The following FRYL variants were observed in gnomAD, a reference collection of about 807,000 sequenced individuals.
The protein encoded by FRYL is FRY like transcription coactivator.
Under a neutral mutation model 351.2 loss-of-function variants are expected in FRYL, and 150 were observed. The ratio of observed to expected loss-of-function variants is 0.43; its 90% CI spans 0.37 to 0.49. FRYL has a LOEUF of 0.49. Among genes scored for constraint, FRYL ranks in the 20% least tolerant of loss-of-function variants. The probability of loss-of-function intolerance (pLI) is 0.00; values close to 1 mark genes in which losing one functional copy is unlikely to be tolerated. For missense variants in FRYL, 3,036 were observed against 3,619.3 expected (o/e 0.84, Z 4.13); for synonymous variants, 1,153 against 1,257.1 (o/e 0.92, Z 1.75).
chr4:48,678,923 G>A (rs549560060), intron 3 of FRYL, among the ~76,000 whole-genome samples: 23 of 152,030 alleles, frequency 1.5e-4, no homozygotes, highest in African/African-American at 5.1e-4. Context: ...CATGTGTGCT[G>A]TATTTAAGAG....
rs1409776177 is a variant in FRYL, at chr4:48,540,576, C to T, written c.6072G>A (p.Arg2024=). Residue 2024 remains arginine, a synonymous_variant, in exon 46 of 64, where the codon AGG becomes AGA. Transcript: ENST00000358350. The part of the protein sequence containing the change: ...DYEYEYLLAL[R]LLNKLLIHLP... Reference sequence around the variant, plus strand: ...AATGGATAAGCAGTTTGTTGAGAAGCCTGAGAGCCAGGAGGTATTCATATT... The same window carrying T: ...AATGGATAAGCAGTTTGTTGAGAAGTCTGAGAGCCAGGAGGTATTCATATT... 4.3e-6 allele frequency: 7 copies of T among 1,613,886 alleles called. No individual in the cohort carries two copies. In the African/African-American group the frequency reaches 5.3e-5, roughly 12 times the overall value.
At chr4:48,582,355 A>G (rs1355178091) in intron 20 of FRYL, 142 bp downstream of exon 20, 17 of 620,522 alleles carry the variant, frequency 2.7e-5, no homozygotes, top group Non-Finnish European at 4.0e-5. Flanking sequence ...GGGAAAGTTC[A>G]GTTTAAGGGA....
chr4:48,713,455 G>GGCA (rs1483917591), intron 1 of FRYL, among the ~76,000 whole-genome samples: 2 of 152,028 alleles, frequency 1.3e-5, no homozygotes, highest in African/African-American at 4.8e-5. Context: ...AACAAAAAAA[G>GGCA]GCAGCGGTTG....
intron 1 of FRYL, among the ~76,000 whole-genome samples, chr4:48,764,443 A>C (rs956311348): frequency 6.6e-6 from 1 of 151,708 alleles, no homozygotes; most frequent in Admixed American, 6.6e-5. Context: ...ACACAGGAGG[A>C]TCACTTGAGC....
At chr4:48,659,152 A>G (rs1185419899) in intron 3 of FRYL, among the ~76,000 whole-genome samples, 1 of 151,978 alleles carries the variant, frequency 6.6e-6, no homozygotes, top group African/African-American at 2.4e-5. Context: ...GGAGATCAAG[A>G]TCAGCCTAGA....
At chr4:48,663,556 G>A (rs1485739036) in intron 3 of FRYL, among the ~76,000 whole-genome samples, 1 of 151,364 alleles carries the variant, frequency 6.6e-6, no homozygotes, top group Non-Finnish European at 1.5e-5. Flanking sequence ...AAGAATAATT[G>A]AGTAAATAAA....
chr4:48,564,240 C>T (rs199882082), intron 30 of FRYL, 138 bp from the exon 31 acceptor site: 24 of 975,736 alleles, frequency 2.5e-5, no homozygotes, highest in Non-Finnish European at 3.2e-5. Flanking sequence ...TTGTTCACCT[C>T]CCTCTCATTT....
intron 32 of FRYL, 31 bp downstream of exon 32, chr4:48,562,858 A>C (rs1396680460): frequency 1.0e-5 from 13 of 1,263,454 alleles, no homozygotes; most frequent in African/African-American, 1.5e-5. Flanking sequence ...ATCCTGAGTA[A>C]AAAAATATTT....
At chr4:48,668,169 A>C (rs1191131419) in intron 3 of FRYL, among the ~76,000 whole-genome samples, 1 of 152,170 alleles carries the variant, frequency 6.6e-6, no homozygotes, top group Non-Finnish European at 1.5e-5. Context: ...GCCAGAGCTA[A>C]GTACCTGCGA....
Position 48,547,756 on chromosome 4 carries a change from G to T in FRYL, c.4902C>A (p.Cys1634Ter). The T allele has an allele frequency of 6.6e-7, 1 of 1,512,092 alleles. No homozygotes were observed. The highest frequency in any genetic ancestry group is 9.0e-7 in the Non-Finnish European group (1 of 1,116,502). 93.7% of individuals were successfully genotyped at this position (1,512,092 alleles called of 1,614,324 possible). ...TACAATGTTCATACACCTCAGGGTG[G>T]CAGTGGTCAAACCCTAAAAAGGATA... Reference protein sequence around the residue: ...LHAIFIGFDHCHPEVYEHCKR... With the variant: ...LHAIFIGFDH The change falls in exon 41 of 64, where the codon TGC becomes TGA. Residue 1634 changes from cysteine to a stop codon, truncating the protein, a stop_gained. Transcript: ENST00000358350. LOFTEE classifies it high-confidence loss of function.
At chr4:48,636,705 TTTTG>T (rs1754299742) in intron 3 of FRYL, 1 of 152,012 alleles carries the variant, frequency 6.6e-6, no homozygotes, top group Non-Finnish European at 1.5e-5. Flanking sequence ...GATAAAAATA[TTTTG>T]TTTGATAACT....
At chr4:48,619,862 C>T (rs576637593) in intron 6 of FRYL, among the ~76,000 whole-genome samples, 39 of 152,208 alleles carry the variant, frequency 2.6e-4, no homozygotes, top group African/African-American at 8.4e-4. Flanking sequence ...TTTTTATATA[C>T]GGGGTGTTTA....
intron 1 of FRYL, among the ~76,000 whole-genome samples, chr4:48,712,445 A>T (rs1768188951): frequency 6.6e-6 from 1 of 152,246 alleles, no homozygotes; most frequent in Admixed American, 6.5e-5. Flanking sequence ...AGCCGATGCG[A>T]TCAACTGGAA....
At chr4:48,632,100 A>ATG (rs1753235191) in intron 4 of FRYL, among the ~76,000 whole-genome samples, 4 of 29,288 alleles carry the variant, frequency 1.4e-4, no homozygotes, top group East Asian at 1.3e-3. Context: ...AAATATATAT[A>ATG]TATATATATA....
intron 1 of FRYL, among the ~76,000 whole-genome samples, chr4:48,756,059 C>T (rs1773740662): frequency 6.6e-6 from 1 of 151,642 alleles, no homozygotes; most frequent in African/African-American, 2.4e-5. Flanking sequence ...CACAGGGAGA[C>T]CTCATCTCTA....
At chr4:48,572,473 G>T (rs1028831480) in intron 26 of FRYL, among the ~76,000 whole-genome samples, 1 of 152,180 alleles carries the variant, frequency 6.6e-6, no homozygotes, top group African/African-American at 2.4e-5. Flanking sequence ...TGCAAATGCT[G>T]TTCTTTGCCT....
At chr4:48,554,218 A>C (rs1046773215) in intron 35 of FRYL, among the ~76,000 whole-genome samples, 7 of 152,188 alleles carry the variant, frequency 4.6e-5, no homozygotes, top group African/African-American at 1.7e-4. Flanking sequence ...GAAATAGAGA[A>C]TCTCAGGCCC....
intron 52 of FRYL, 105 bp downstream of exon 52, chr4:48,527,866 A>AC: frequency 9.5e-7 from 1 of 1,049,578 alleles, no homozygotes; most frequent in Non-Finnish European, 1.4e-6. Flanking sequence ...CTGAGTTAAT[A>AC]CCGTAAGTAA....
chr4:48,726,570 T>C (rs191538812), intron 1 of FRYL, among the ~76,000 whole-genome samples: 64 of 152,256 alleles, frequency 4.2e-4, no homozygotes, highest in Non-Finnish European at 8.2e-4. Context: ...TAATCCCAGC[T>C]ACTAGTGAGG....
Sources: allele counts gnomAD v4.1 joint callset (sites outside exome capture counted in the v4.1 genomes callset), GRCh38; gene constraint gnomAD v4.1.1; transcripts MANE v1.5; gene names NCBI Gene and HGNC (gene_info 2026-07-23, HGNC 2026-07-21).